PLCE1: variants seen among roughly 807,000 people sequenced by gnomAD.
PLCE1 encodes 1-phosphatidylinositol 4,5-bisphosphate phosphodiesterase epsilon-1.
A neutral mutation model predicts 242.8 loss-of-function variants in PLCE1; 119 were observed. The ratio of observed to expected loss-of-function variants is 0.49; its 90% CI spans 0.42 to 0.57. PLCE1 has a LOEUF of 0.57. PLCE1 is among the 20% of genes least tolerant of loss of function. PLCE1 has a pLI of 0.00. For missense variants in PLCE1, 2,441 were observed against 2,788.8 expected (o/e 0.88, Z 2.81); for synonymous variants, 945 against 1,017.4 (o/e 0.93, Z 1.35).
At chr10:94,278,983 A>G (rs1589462479) in intron 19 of PLCE1, among the ~76,000 whole-genome samples, 1 of 152,312 alleles carries the variant, frequency 6.6e-6, no homozygotes, top group East Asian at 1.9e-4. Flanking sequence ...CCTTTGTTCA[A>G]TAAATATATA....
intron 20 of PLCE1, 74 bp from the exon 21 acceptor site, chr10:94,283,716 C>A: frequency 6.7e-7 from 1 of 1,500,076 alleles, no homozygotes; most frequent in Non-Finnish European, 9.2e-7. Flanking sequence ...TGGATGTCCT[C>A]ACAGTGATGC....
chr10:94,329,030 C>T lies in PLCE1; in HGVS notation c.*1087C>T, dbSNP rs949965212. The T allele has an allele frequency of 6.6e-6, 1 of 152,120 alleles. No homozygotes were observed. Among genetic ancestry groups the T allele is most frequent in the Non-Finnish European group, 1.5e-5 (1 of 68,026 alleles). 9.4% of individuals were successfully genotyped at this position (152,120 alleles called of 1,614,324 possible). On this transcript the variant is annotated 3_prime_UTR_variant, in exon 33 of 33. Coordinates refer to ENST00000371380, the MANE Select transcript of PLCE1 (RefSeq NM_016341.4). ...CTATACTTATATATTTATTATACAT[C>T]GCTCTCTTGATATTGCCATGGATTA... is the stretch of plus-strand genomic sequence containing the variant.
chr10:94,073,603 T>C (rs997279671), intron 2 of PLCE1, among the ~76,000 whole-genome samples: 4 of 152,206 alleles, frequency 2.6e-5, no homozygotes, highest in African/African-American at 9.7e-5. Context: ...CATTTCCTCT[T>C]CCCTTCCACT....
chr10:94,313,493 A>C (rs1415168515), intron 28 of PLCE1, 111 bp downstream of exon 28: 7 of 1,229,670 alleles, frequency 5.7e-6, no homozygotes, highest in Non-Finnish European at 8.4e-6. Context: ...GAATGCGCAA[A>C]AGTCCATGTG....
intron 29 of PLCE1, among the ~76,000 whole-genome samples, chr10:94,318,620 G>C (rs574423036): frequency 6.6e-6 from 1 of 152,280 alleles, no homozygotes; most frequent in African/African-American, 2.4e-5. Flanking sequence ...CATCCTTGTG[G>C]ATCACCCACA....
intron 4 of PLCE1, among the ~76,000 whole-genome samples, chr10:94,204,111 A>G (rs2049068002): frequency 6.6e-6 from 1 of 152,206 alleles, no homozygotes; most frequent in Admixed American, 6.5e-5. Context: ...TGGTAGAATA[A>G]AAAAACTAGA....
chr10:94,039,545 C>T (rs1564640910), intron 2 of PLCE1, among the ~76,000 whole-genome samples: 1 of 151,966 alleles, frequency 6.6e-6, no homozygotes, highest in Non-Finnish European at 1.5e-5. Flanking sequence ...GCCACTATGC[C>T]CAGCTAATTT....
chr10:94,111,324 C>A (rs1374857225), intron 2 of PLCE1, among the ~76,000 whole-genome samples: 1 of 152,184 alleles, frequency 6.6e-6, no homozygotes, highest in Non-Finnish European at 1.5e-5. Flanking sequence ...GCCTGGCAAG[C>A]AACGAGGCTC....
chr10:94,233,978 G>C (rs2050232327), intron 5 of PLCE1, 76 bp from the exon 6 acceptor site: 4 of 1,277,732 alleles, frequency 3.1e-6, no homozygotes, highest in South Asian at 2.6e-5. Flanking sequence ...GAATGAATTT[G>C]TATGGAATTT....
At chr10:94,067,674 G>A (rs140902982) in intron 2 of PLCE1, among the ~76,000 whole-genome samples, 1 of 152,306 alleles carries the variant, frequency 6.6e-6, no homozygotes, top group African/African-American at 2.4e-5. Context: ...AATTACTTGT[G>A]CAATGAAAGA....
chr10:94,158,702 GTTTT>G (rs908071977), intron 3 of PLCE1, among the ~76,000 whole-genome samples: 1 of 151,794 alleles, frequency 6.6e-6, no homozygotes, highest in African/African-American at 2.4e-5. Context: ...GCACTATAGA[GTTTT>G]TTTAAGTTAG....
At chr10:94,178,903 T>A (rs1049215928) in intron 4 of PLCE1, among the ~76,000 whole-genome samples, 5 of 152,194 alleles carry the variant, frequency 3.3e-5, no homozygotes, top group Non-Finnish European at 7.3e-5. Context: ...AACGTCTCAA[T>A]CAAAGTTTTC....
rs2053188995 is a variant in PLCE1, at chr10:94,306,045, C to G, written c.5623-382C>G. The stretch of plus-strand genomic sequence containing the variant: ...GGAGTACAGTGGCGTGATCTCAGCT[C>G]ACTGCAACCTCTGCTTCCTGGGTTC... On this transcript the variant is annotated intron_variant, in intron 25 of 32. Transcript: ENST00000371380. The surrounding 1 kb of genome is among the most constrained non-coding windows in gnomAD (Gnocchi z 5.7). Among the ~76,000 whole-genome samples the G allele has an allele frequency of 6.6e-6, 1 of 151,582 alleles. No individual in the cohort carries two copies. The highest frequency in any genetic ancestry group is 1.5e-5 in the Non-Finnish European group (1 of 67,980).
At chr10:94,313,489 GCAAAAGTC>G in intron 28 of PLCE1, 107 bp downstream of exon 28, 1 of 1,276,026 alleles carries the variant, frequency 7.8e-7, no homozygotes, top group Non-Finnish European at 1.1e-6. Flanking sequence ...ACATGAATGC[GCAAAAGTC>G]CATGTGGATG....
At chr10:94,141,867 C>T (rs2046984955) in intron 3 of PLCE1, among the ~76,000 whole-genome samples, 1 of 152,124 alleles carries the variant, frequency 6.6e-6, no homozygotes, top group Non-Finnish European at 1.5e-5. Context: ...GTCCTAATTA[C>T]AGAGACTCAG....
At chr10:94,080,120 C>T (rs1445973580) in intron 2 of PLCE1, among the ~76,000 whole-genome samples, 1 of 152,112 alleles carries the variant, frequency 6.6e-6, no homozygotes, top group African/African-American at 2.4e-5. Flanking sequence ...GATGAGTTCT[C>T]TCTGGTACTT....
chr10:94,135,711 A>G (rs1488872346), intron 3 of PLCE1, among the ~76,000 whole-genome samples: 1 of 152,246 alleles, frequency 6.6e-6, no homozygotes, highest in Non-Finnish European at 1.5e-5. Flanking sequence ...TTGTTGGAAT[A>G]CTGAGCATTA....
chr10:94,062,498 A>G (rs1244314803), intron 2 of PLCE1, among the ~76,000 whole-genome samples: 3 of 151,906 alleles, frequency 2.0e-5, no homozygotes, highest in African/African-American at 7.3e-5. Context: ...ATTAAATGAG[A>G]ATTTGCAGAG....
chr10:94,158,955 C>T (rs566207598), intron 3 of PLCE1, among the ~76,000 whole-genome samples: 37 of 146,236 alleles, frequency 2.5e-4, no homozygotes, highest in African/African-American at 8.7e-4. Flanking sequence ...CTCCTGGGTT[C>T]GAGCGATTCT....
Sources: gnomAD v4.1 joint callset for allele counts (sites outside exome capture counted in the v4.1 genomes callset) on GRCh38, gnomAD v4.1.1 for gene constraint, Gnocchi (gnomAD v3.1) non-coding constraint, MANE v1.5 for transcripts, NCBI Gene and HGNC (gene_info 2026-07-23, HGNC 2026-07-21) for gene names.